Variants in ITPRID2 observed in about 807,000 individuals in gnomAD.
The protein encoded by ITPRID2 is protein ITPRID2.
ITPRID2 carries 60 observed loss-of-function variants against 124.3 expected under a neutral mutation model. The ratio of observed to expected loss-of-function variants is 0.48; its 90% confidence interval spans 0.39 to 0.60. ITPRID2 has a LOEUF of 0.60. ITPRID2 is among the 20% of genes least tolerant of loss of function. ITPRID2 has a pLI of 0.00. For synonymous variants in ITPRID2, 521 were observed against 542.9 expected (o/e 0.96, Z 0.56); for missense variants, 1,553 against 1,512.2 (o/e 1.03, Z -0.45).
Position 181,910,490 on chromosome 2 carries a change from G to T in ITPRID2, c.1486+519G>T. The T allele has an allele frequency of 3.3e-6, 2 of 602,454 alleles. No individual in the cohort carries two copies. The highest frequency in any genetic ancestry group is 4.5e-5 in the South Asian group (2 of 44,470). The allele number at this position is 602,454 out of a possible 1,614,324, so 37.3% of individuals were successfully genotyped here. A position where few individuals can be genotyped will look rare whatever the true frequency, so the allele number is the denominator to read the frequency against. ...TTCCTCTCTTAAATTATTAATTATT[G>T]ACCAAAGAACCTTTGAATCCATCCC... On this transcript the variant is annotated intron_variant, in intron 9 of 17. Transcript: ENST00000431877. The surrounding 1 kb of genome is among the most constrained non-coding windows in gnomAD (Gnocchi z 4.1).
chr2:181,905,968 A>G lies in ITPRID2; in HGVS notation c.1413+3502A>G, dbSNP rs1336623995. Among the ~76,000 whole-genome samples, 1 of 152,246 alleles carries G rather than the reference A, an allele frequency of 6.6e-6. No individual in the cohort carries two copies. Among genetic ancestry groups the G allele is most frequent in the African/African-American group, 2.4e-5 (1 of 41,478 alleles). ...CAGATATCTGCTACTCTAAAGCCCA[A>G]TTAACCACTGTTTTGTTATTTGATA... On this transcript the variant is annotated intron_variant, in intron 8 of 17. Transcript: ENST00000431877. The surrounding 1 kb of genome is among the most constrained non-coding windows in gnomAD (Gnocchi z 4.1).
intron 4 of ITPRID2, 40 bp downstream of exon 4, chr2:181,897,004 C>A: frequency 1.3e-6 from 2 of 1,557,248 alleles, no homozygotes; most frequent in South Asian, 2.3e-5. Flanking sequence ...GTGTAGTTTT[C>A]AAATTTAAAA....
chr2:181,925,901 T>C (rs1694807239), intron 16 of ITPRID2, among the ~76,000 whole-genome samples: 1 of 152,234 alleles, frequency 6.6e-6, no homozygotes, highest in South Asian at 2.1e-4. Context: ...GAGAATTTTG[T>C]CCCACACTAG....
Position 181,891,823 on chromosome 2 carries a change from G to A in ITPRID2, c.-244G>A, listed in dbSNP as rs921649893. The A allele has an allele frequency of 1.2e-4, 45 of 360,532 alleles. 1 individual carries two copies. The Middle Eastern group carries it at 2.7e-3, about 22-fold the overall frequency. The allele number at this position is 360,532 out of a possible 1,614,324, so 22.3% of individuals were successfully genotyped here. On this transcript the variant is annotated 5_prime_UTR_variant, in exon 1 of 18. Transcript: ENST00000431877. ...CTCGGCTCCCAGCCGCGCTCCCTCG[G>A]GCCACTAGCGCTCCCGCGCGCGCCC...
At chr2:181,912,521 T>C (rs1423655232) in intron 9 of ITPRID2, among the ~76,000 whole-genome samples, 1 of 152,228 alleles carries the variant, frequency 6.6e-6, no homozygotes, top group East Asian at 1.9e-4. Context: ...ATGTATTCCA[T>C]GGAAACTGAG....
In ITPRID2 at chr2:181,916,184, C is replaced by T. The variant is rs1694029500; in HGVS notation, c.2544C>T (p.Ser848=). The change falls in exon 11 of 18, where the codon TCC becomes TCT. Residue 848 remains serine (S), a synonymous_variant. Coordinates refer to ENST00000431877, the MANE Select transcript of ITPRID2 (RefSeq NM_001130445.3). ...CTCAGTCTACCTGTTCCCTTCATTC[C>T]ATCCACTCTGAGTGGCAAGAAAGGC... ...PMSQSTCSLH[S]IHSEWQERPL... is the part of the protein sequence containing the mutation. The T allele has an allele frequency of 6.2e-6, 10 of 1,614,212 alleles. No homozygotes were observed. The highest frequency in any genetic ancestry group is 8.5e-6 in the Non-Finnish European group (10 of 1,180,040).
At chr2:181,909,281 C>A (rs1213430531) in intron 8 of ITPRID2, among the ~76,000 whole-genome samples, 1 of 152,108 alleles carries the variant, frequency 6.6e-6, no homozygotes, top group African/African-American at 2.4e-5. Context: ...TAAACCTGAG[C>A]AATTTTTGAT....
In ITPRID2 at chr2:181,928,208, A is replaced by G. The variant is rs1574317575; in HGVS notation, c.3723A>G (p.Gly1241=). ...VGEIRREIVS[G]LLAAVSSSKA... ...AAATCAGACGGGAAATTGTAAGTGG[A>G]CTTTTGGCAGCAGTATCTTCAAGTA... The change falls in exon 17 of 18, where the codon GGA becomes GGG. Residue 1241 remains glycine, a synonymous_variant. Transcript: ENST00000431877. The G allele has an allele frequency of 2.2e-5, 34 of 1,551,050 alleles. No individual in the cohort carries two copies. Among genetic ancestry groups the G allele is most frequent in the Non-Finnish European group, 3.0e-5 (34 of 1,146,620 alleles).
At chr2:181,917,950 C>T (rs1489472158) in intron 11 of ITPRID2, 1 of 152,088 alleles carries the variant, frequency 6.6e-6, no homozygotes, top group Non-Finnish European at 1.5e-5. Flanking sequence ...CCGAGATCAC[C>T]CAGTCTTTGC....
At chr2:181,929,520 T>C (rs1695126597) in intron 17 of ITPRID2, 41 bp from the exon 18 acceptor site, 1 of 1,404,424 alleles carries the variant, frequency 7.1e-7, no homozygotes. Context: ...ATAACAGTAT[T>C]TGAAAGAGGT....
intron 8 of ITPRID2, 81 bp from the exon 9 acceptor site, chr2:181,909,814 ATTTG>A: frequency 3.0e-6 from 3 of 983,912 alleles, no homozygotes; most frequent in South Asian, 3.0e-5. Context: ...AGTTAGGTTG[ATTTG>A]TTTAATAGAT....
At chr2:181,916,636 C>G (rs899546839) in intron 11 of ITPRID2, 2 of 783,694 alleles carry the variant, frequency 2.6e-6, no homozygotes, top group South Asian at 4.9e-5. Context: ...AAGTCGATTT[C>G]TCTGCTCACA....
intron 8 of ITPRID2, among the ~76,000 whole-genome samples, chr2:181,908,738 C>G (rs569678422): frequency 5.8e-4 from 89 of 152,228 alleles, no homozygotes; most frequent in South Asian, 1.2e-3. Flanking sequence ...AACCTTTGGG[C>G]TTTTAAAAAT....
At chr2:181,928,714 C>T (rs928390207) in intron 17 of ITPRID2, among the ~76,000 whole-genome samples, 1 of 151,952 alleles carries the variant, frequency 6.6e-6, no homozygotes, top group Non-Finnish European at 1.5e-5. Flanking sequence ...CAAGCTCCGC[C>T]TCCCGGGTTC....
intron 2 of ITPRID2, 81 bp from the exon 3 acceptor site, chr2:181,895,949 C>G: frequency 8.5e-7 from 1 of 1,175,604 alleles, no homozygotes; most frequent in Non-Finnish European, 1.3e-6. Flanking sequence ...TGAGCTGTAA[C>G]TCTTTAAGTA....
chr2:181,900,642 C>A, intron 6 of ITPRID2, 54 bp from the exon 7 acceptor site: 1 of 1,251,582 alleles, frequency 8.0e-7, no homozygotes, highest in South Asian at 1.3e-5. Context: ...GTGGTGTGGA[C>A]TATCAATTTA....
At chr2:181,906,468 G>A (rs1052665079) in intron 8 of ITPRID2, among the ~76,000 whole-genome samples, 3 of 152,136 alleles carry the variant, frequency 2.0e-5, no homozygotes, top group African/African-American at 7.2e-5. Flanking sequence ...GGCTGAGCAT[G>A]GTGATTCACA....
rs1349328198 is a variant in ITPRID2, at chr2:181,918,591, T to A, written c.2788-7T>A. 1.9e-6 allele frequency: 3 copies of A among 1,613,412 alleles called. No individual in the cohort carries two copies. Among genetic ancestry groups the A allele is most frequent in the Non-Finnish European group, 2.5e-6 (3 of 1,179,756 alleles). ...TTGGTTTTAATCCTACTTTTACTTTTTTGAAGTACCCTATGATGAGAGGAC... is the reference window on the plus strand; with the variant it reads ...TTGGTTTTAATCCTACTTTTACTTTATTGAAGTACCCTATGATGAGAGGAC... On this transcript the variant is annotated splice_polypyrimidine_tract_variant and splice_region_variant and intron_variant, in intron 11 of 17. Transcript: ENST00000431877.
At chr2:181,909,088 G>A (rs1346291238) in intron 8 of ITPRID2, among the ~76,000 whole-genome samples, 2 of 152,156 alleles carry the variant, frequency 1.3e-5, no homozygotes, top group African/African-American at 4.8e-5. Context: ...TCTAAATTAT[G>A]TACTTGTGCA....
Sources: gnomAD v4.1 joint callset for allele counts (sites outside exome capture counted in the v4.1 genomes callset) on GRCh38, gnomAD v4.1.1 for gene constraint, Gnocchi (gnomAD v3.1) non-coding constraint, MANE v1.5 for transcripts, NCBI Gene and HGNC (gene_info 2026-07-23, HGNC 2026-07-21) for gene names.